Variants in LYST observed in about 807,000 individuals in gnomAD.
LYST encodes the protein lysosomal-trafficking regulator.
A neutral mutation model predicts 413.6 loss-of-function variants in LYST; 192 were observed. That is an observed-to-expected ratio of 0.46 (90% CI 0.41 to 0.52). The LOEUF (loss-of-function observed/expected upper bound fraction) is 0.52, where lower values mean the gene tolerates loss of function less well. Ranked by LOEUF, LYST falls within the 20% of genes least tolerant of loss-of-function variation. The pLI, the probability that LYST is intolerant of heterozygous loss-of-function variation, is 0.00. For synonymous variants in LYST, 1,525 were observed against 1,567.3 expected, an observed-to-expected ratio of 0.97 and a Z score of 0.64; for missense variants, 3,815 against 4,499.9, an observed-to-expected ratio of 0.85 and a Z score of 4.35.
chr1:235,761,830 C>G (rs1667618559), intron 22 of LYST, among the ~76,000 whole-genome samples: 1 of 151,370 alleles, frequency 6.6e-6, no homozygotes, highest in Non-Finnish European at 1.5e-5. Flanking sequence ...AATGCATCCC[C>G]TTTGCCTTTT....
At chr1:235,837,736 T>C (rs1407003876) in intron 1 of LYST, among the ~76,000 whole-genome samples, 1 of 151,760 alleles carries the variant, frequency 6.6e-6, no homozygotes, top group Non-Finnish European at 1.5e-5. Flanking sequence ...CAAAGAATGG[T>C]CTTGGTGGGG....
chr1:235,842,796 A>C (rs1033755613), intron 1 of LYST, among the ~76,000 whole-genome samples: 6 of 152,224 alleles, frequency 3.9e-5, no homozygotes, highest in Admixed American at 2.0e-4. Context: ...CTTCCTGCAG[A>C]CATCTGGATA....
chr1:235,770,404 A>G, intron 19 of LYST, 107 bp from the exon 20 acceptor site: 1 of 1,001,148 alleles, frequency 1.0e-6, no homozygotes, highest in South Asian at 1.3e-5. Context: ...GTATATATTC[A>G]GTATCAAAGA....
At chr1:235,832,842 A>G (rs1676139173) in intron 2 of LYST, among the ~76,000 whole-genome samples, 1 of 152,070 alleles carries the variant, frequency 6.6e-6, no homozygotes, top group Non-Finnish European at 1.5e-5. Flanking sequence ...GGTTTACTCC[A>G]AGGCGCTTTA....
In LYST at chr1:235,741,588, T is replaced by C. The variant is rs745846104; in HGVS notation, c.8192A>G (p.Lys2731Arg). ...GGTCTCCTTACAAGACCACAGAATTTTAGTCCATTGCTGCTTGGAACCACT... is the reference window on the plus strand; with the variant it reads ...GGTCTCCTTACAAGACCACAGAATTCTAGTCCATTGCTGCTTGGAACCACT... ...KASGSKQQWT[K>R]ILWSCKETFR... The change falls in exon 31 of 53, where the codon AAA becomes AGA. Residue 2731 changes from lysine to arginine, a missense_variant. By Grantham distance (26) the Lys-to-Arg change is conservative (BLOSUM62 2). Transcript: ENST00000389793. The C allele has an allele frequency of 6.2e-7, 1 of 1,614,150 alleles. No individual in the cohort carries two copies. Among genetic ancestry groups the C allele is most frequent in the South Asian group, 1.1e-5 (1 of 91,082 alleles).
intron 26 of LYST, among the ~76,000 whole-genome samples, chr1:235,752,384 G>A (rs914437366): frequency 6.6e-6 from 1 of 152,094 alleles, no homozygotes; most frequent in South Asian, 2.1e-4. Flanking sequence ...TTTGACACCT[G>A]TCAGAAATAC....
rs141383979 is a variant in LYST at position 235,836,021 on chromosome 1, G to A, written c.-97-2354C>T. ...AATTTTTATATCCTTAGCATTTACC[G>A]TAAATGAAAAACATAGTAACAAATG... On this transcript the variant is annotated intron_variant, in intron 1 of 52. Transcript: ENST00000389793. Among the ~76,000 whole-genome samples, 947 of 152,176 alleles carry A rather than the reference G, an allele frequency of 6.2e-3. 4 individuals are homozygous for A. The highest frequency in any genetic ancestry group is 8.9e-3 in the Non-Finnish European group (604 of 68,010).
intron 22 of LYST, among the ~76,000 whole-genome samples, chr1:235,760,331 A>G (rs1667465135): frequency 6.6e-6 from 1 of 152,020 alleles, no homozygotes; most frequent in Non-Finnish European, 1.5e-5. Flanking sequence ...CAGGTGCTCA[A>G]AAAATGGTAG....
rs768971947 is a variant in LYST, at chr1:235,777,101, T to C, written c.5422A>G (p.Ile1808Val). ...YKTIQGILHE[I>V]GGTGIFVFLF... ...AAAACAAATATGCCAGTTCCACCAA[T>C]TTCGTGCAGAATGCCTTGAATAGTT... Residue 1808 changes from isoleucine (I) to valine (V), a missense_variant, in exon 17 of 53, where the codon ATT becomes GTT. By Grantham distance (29) the Ile-to-Val change is conservative. Coordinates refer to ENST00000389793, the MANE Select transcript of LYST (RefSeq NM_000081.4). 2.5e-6 allele frequency: 4 copies of C among 1,613,608 alleles called. No individual in the cohort carries two copies. In the East Asian group the frequency reaches 8.9e-5, roughly 36 times the overall value.
intron 1 of LYST, among the ~76,000 whole-genome samples, chr1:235,841,083 T>C (rs1172467468): frequency 1.3e-5 from 2 of 150,564 alleles, no homozygotes; most frequent in African/African-American, 5.0e-5. Flanking sequence ...ATTAGGCCAG[T>C]GACTAACTTC....
intron 34 of LYST, among the ~76,000 whole-genome samples, chr1:235,732,130 T>G (rs1019060531): frequency 6.6e-6 from 1 of 152,180 alleles, no homozygotes; most frequent in Non-Finnish European, 1.5e-5. Context: ...CATTTTTCTA[T>G]AACTTGCCTT....
At chr1:235,745,371 A>C (rs1426764553) in intron 29 of LYST, among the ~76,000 whole-genome samples, 1 of 152,196 alleles carries the variant, frequency 6.6e-6, no homozygotes, top group Non-Finnish European at 1.5e-5. Context: ...CCACAATGAG[A>C]TATCACTACA....
At chr1:235,843,812 T>G (rs1677486619) in intron 1 of LYST, among the ~76,000 whole-genome samples, 1 of 152,214 alleles carries the variant, frequency 6.6e-6, no homozygotes, top group Non-Finnish European at 1.5e-5. Context: ...ATAGGTTGAT[T>G]AGAAAGCATA....
intron 1 of LYST, among the ~76,000 whole-genome samples, chr1:235,847,546 C>T (rs141336927): frequency 1.2e-4 from 19 of 152,260 alleles, no homozygotes; most frequent in African/African-American, 4.6e-4. Flanking sequence ...CCATACCGCA[C>T]ATTTCAATGC....
At chr1:235,838,207 C>T (rs1676781889) in intron 1 of LYST, among the ~76,000 whole-genome samples, 1 of 152,146 alleles carries the variant, frequency 6.6e-6, no homozygotes, top group Non-Finnish European at 1.5e-5. Context: ...AGGTGTTAAA[C>T]TGATGAGTGT....
In LYST at chr1:235,728,274, T is replaced by C. The variant is rs12094430; in HGVS notation, c.9107-143A>G. The C allele has an allele frequency of 0.014, 9,071 of 659,386 alleles. 567 individuals are homozygous for C. In the African/African-American group the frequency reaches 0.14, roughly 10 times the overall value. The allele number at this position is 659,386 out of a possible 1,614,324, so 40.8% of individuals were successfully genotyped here. On this transcript the variant is annotated intron_variant, in intron 37 of 52. Coordinates refer to ENST00000389793, the MANE Select transcript of LYST (RefSeq NM_000081.4). ...AGTTCCTGGCACTCAATAAATATTT[T>C]TGAATAGTATCCATGAAGTCTTGGG...
At chr1:235,696,262 G>T (rs548900649) in intron 46 of LYST, among the ~76,000 whole-genome samples, 2 of 152,304 alleles carry the variant, frequency 1.3e-5, no homozygotes, top group Admixed American at 1.3e-4. Context: ...CTGGGTGCTG[G>T]CACCTTTGTA....
intron 20 of LYST, among the ~76,000 whole-genome samples, chr1:235,768,077 C>T (rs919963658): frequency 5.3e-5 from 8 of 152,064 alleles, no homozygotes; most frequent in South Asian, 2.1e-4. Flanking sequence ...TCTCTCACTA[C>T]GTTTCTCTGT....
chr1:235,800,267 A>T (rs932523579), intron 10 of LYST, 53 bp downstream of exon 10: 1 of 1,208,000 alleles, frequency 8.3e-7, no homozygotes, highest in Non-Finnish European at 1.2e-6. Context: ...ATTATTATCA[A>T]CTTTTCACAT....
Sources: allele counts gnomAD v4.1 joint callset (sites outside exome capture counted in the v4.1 genomes callset), GRCh38; gene constraint gnomAD v4.1.1; transcripts MANE v1.5; gene names NCBI Gene and HGNC (gene_info 2026-07-23, HGNC 2026-07-21).